The following RNF17 variants were observed in gnomAD, a reference collection of about 807,000 sequenced individuals.
RNF17 encodes the protein spermatogenesis associated 23.
A neutral mutation model predicts 200.5 loss-of-function variants in RNF17; 31 were observed. That is an observed-to-expected ratio of 0.15 (90% confidence interval 0.12 to 0.21). RNF17 has a LOEUF of 0.21. RNF17 is among the 10% of genes least tolerant of loss of function. The pLI is 1.00. For synonymous variants in RNF17, 606 were observed against 637.8 expected, an observed-to-expected ratio of 0.95 and a Z score of 0.75; for missense variants, 1,628 against 1,905.1, an observed-to-expected ratio of 0.85 and a Z score of 2.71.
chr13:24,868,277 C>T (rs1470790047), intron 30 of RNF17, among the ~76,000 whole-genome samples: 2 of 150,668 alleles, frequency 1.3e-5, no homozygotes, highest in African/African-American at 4.9e-5. Context: ...GAGACCATCC[C>T]GGCTAAAACG....
Position 24,813,264 on chromosome 13 carries a change from A to T in RNF17, c.2091+8835A>T, listed in dbSNP as rs139527245. ...AGCCTCAATCTCCTAGGCTCAAGGG[A>T]TCCTCTAGCCTCAGCCTCCCATATT... is the stretch of plus-strand genomic sequence containing the variant. On this transcript the variant is annotated intron_variant, in intron 15 of 35. Coordinates refer to ENST00000255324, the MANE Select transcript of RNF17 (RefSeq NM_031277.3). 4.4e-3 allele frequency among the ~76,000 whole-genome samples: 662 copies of T among 152,158 alleles called. 2 individuals carry two copies. The highest frequency in any genetic ancestry group is 6.8e-3 in the Middle Eastern group (2 of 294).
At chr13:24,862,249 A>G (rs921385169) in intron 27 of RNF17, among the ~76,000 whole-genome samples, 1 of 152,214 alleles carries the variant, frequency 6.6e-6, no homozygotes, top group Admixed American at 6.5e-5. Context: ...TGAAGGATCA[A>G]CTGGGGACAG....
chr13:24,862,810 A>G lies in RNF17; in HGVS notation c.3975+17A>G, dbSNP rs375393751. 100 of 1,369,318 alleles carry G rather than the reference A, an allele frequency of 7.3e-5. No homozygotes were observed. The highest frequency in any genetic ancestry group is 9.6e-5 in the Non-Finnish European group (93 of 965,892). The allele number at this position is 1,369,318 out of a possible 1,614,324, so 84.8% of individuals were successfully genotyped here. A position where few individuals can be genotyped will look rare whatever the true frequency, so the allele number is the denominator to read the frequency against. ...CACATTATGGTAATTTAAAGTATAT[A>G]TAGTTGTTATAAATTACTTGCCATA... On this transcript the variant is annotated intron_variant, in intron 28 of 35. Coordinates refer to ENST00000255324, the MANE Select transcript of RNF17 (RefSeq NM_031277.3).
At chr13:24,765,670 A>G (rs1879578296) in intron 1 of RNF17, among the ~76,000 whole-genome samples, 1 of 152,244 alleles carries the variant, frequency 6.6e-6, no homozygotes, top group Non-Finnish European at 1.5e-5. Flanking sequence ...CTTCTTCCAT[A>G]CATTAGTATT....
At chr13:24,786,363 C>A (rs1416735933) in intron 6 of RNF17, among the ~76,000 whole-genome samples, 1 of 152,060 alleles carries the variant, frequency 6.6e-6, no homozygotes, top group Admixed American at 6.5e-5. Context: ...ATATTGTATA[C>A]CTGTTAAGAT....
intron 10 of RNF17, among the ~76,000 whole-genome samples, chr13:24,793,547 A>G (rs1353650561): frequency 6.6e-6 from 1 of 152,208 alleles, no homozygotes; most frequent in African/African-American, 2.4e-5. Context: ...TAATGCAGTA[A>G]TATAGCTAAC....
Position 24,778,273 on chromosome 13 carries a change from T to C in RNF17, c.318-22T>C, listed in dbSNP as rs370572502. The C allele has an allele frequency of 2.7e-6, 4 of 1,474,778 alleles. No homozygotes were observed. In the African/African-American group the frequency reaches 4.2e-5, roughly 15 times the overall value. The allele number at this position is 1,474,778 out of a possible 1,614,324, so 91.4% of individuals were successfully genotyped here. A position where few individuals can be genotyped will look rare whatever the true frequency, so the allele number is the denominator to read the frequency against. On this transcript the variant is annotated intron_variant, in intron 3 of 35. Coordinates refer to ENST00000255324, the MANE Select transcript of RNF17 (RefSeq NM_031277.3). ...AAAGATCCTGTCACAAAAAATAAAA[T>C]AATATACTTGATACTTTTCAGGATA...
At chr13:24,803,246 ATAT>A (rs1191444379) in intron 14 of RNF17, among the ~76,000 whole-genome samples, 1 of 152,176 alleles carries the variant, frequency 6.6e-6, no homozygotes, top group Non-Finnish European at 1.5e-5. Context: ...TCACTACCCT[ATAT>A]TCAATGTATG....
Position 24,767,188 on chromosome 13 carries a change from C to T in RNF17, c.131-84C>T, listed in dbSNP as rs532637351. 16 of 912,822 alleles carry T rather than the reference C, an allele frequency of 1.8e-5. No individual in the cohort carries two copies. The South Asian group carries it at 2.5e-4, about 14-fold the overall frequency. 56.5% of individuals were successfully genotyped at this position (912,822 alleles called of 1,614,324 possible). A position where few individuals can be genotyped will look rare whatever the true frequency, so the allele number is the denominator to read the frequency against. ...AGGCTGCAGTGAGCTGGTGCCACTA[C>T]ACTCCAGCTTGGGCAACAGAGCAAG... On this transcript the variant is annotated intron_variant, in intron 1 of 35. Transcript: ENST00000255324.
intron 2 of RNF17, among the ~76,000 whole-genome samples, chr13:24,769,291 A>G (rs1880312283): frequency 6.6e-6 from 1 of 152,052 alleles, no homozygotes; most frequent in Non-Finnish European, 1.5e-5. Flanking sequence ...AGTGTTTATA[A>G]TGTGTTTACA....
intron 15 of RNF17, among the ~76,000 whole-genome samples, chr13:24,810,931 G>A (rs939695711): frequency 6.0e-5 from 9 of 149,654 alleles, no homozygotes; most frequent in African/African-American, 2.2e-4. Context: ...GAAATTCTGG[G>A]TTGAAAATTC....
At chr13:24,763,963 C>G (rs1337431763), upstream of RNF17, among the ~76,000 whole-genome samples, 1 of 152,196 alleles carries the variant, frequency 6.6e-6, no homozygotes, top group Non-Finnish European at 1.5e-5. Flanking sequence ...AGTGGTGACT[C>G]TTTGGGTAGA....
At chr13:24,876,897 A>G (rs1894919328) in intron 33 of RNF17, 100 bp from the exon 34 acceptor site, 1 of 981,680 alleles carries the variant, frequency 1.0e-6, no homozygotes, top group African/African-American at 1.7e-5. Context: ...AAATCACTGC[A>G]AAATCCAATG....
At chr13:24,768,206 T>C (rs995078445) in intron 2 of RNF17, among the ~76,000 whole-genome samples, 2 of 152,014 alleles carry the variant, frequency 1.3e-5, no homozygotes, top group Non-Finnish European at 2.9e-5. Context: ...TTACTTGATA[T>C]CCTATTCATT....
In RNF17 at chr13:24,764,393, G is replaced by C. The variant is rs548833154; in HGVS notation, c.130+60G>C. On this transcript the variant is annotated intron_variant, in intron 1 of 35. Coordinates refer to ENST00000255324, the MANE Select transcript of RNF17 (RefSeq NM_031277.3). ...AGCCTGGAGGGAGCGCTGGGGGCCA[G>C]GTGAGCTGGTGGGCGCGTGAGGCTT... The C allele has an allele frequency of 3.8e-5, 57 of 1,503,540 alleles. 1 individual carries two copies. In the African/African-American group the frequency reaches 7.3e-4, roughly 19 times the overall value. The allele number at this position is 1,503,540 out of a possible 1,614,324, so 93.1% of individuals were successfully genotyped here. A position where few individuals can be genotyped will look rare whatever the true frequency, so the allele number is the denominator to read the frequency against.
downstream of RNF17, among the ~76,000 whole-genome samples, chr13:24,881,640 CTAGA>C (rs936078542): frequency 3.2e-4 from 48 of 150,078 alleles, no homozygotes; most frequent in African/African-American, 6.1e-4. Context: ...AGAGATATAT[CTAGA>C]TAGATATATC....
chr13:24,856,419 C>CAA (rs60553495), intron 25 of RNF17, among the ~76,000 whole-genome samples: 3,954 of 101,370 alleles, frequency 0.039, 120 homozygotes, highest in African/African-American at 0.09. Flanking sequence ...GAATCCGTCT[C>CAA]AAAAAAAAAA....
chr13:24,808,406 A>G (rs532836333), intron 15 of RNF17, among the ~76,000 whole-genome samples: 33 of 146,060 alleles, frequency 2.3e-4, no homozygotes, highest in African/African-American at 7.9e-4. Context: ...CTTTGAAGCA[A>G]TTGTGAATGG....
chr13:24,750,785 C>T, the RNF17 span: 1 of 151,996 alleles, frequency 6.6e-6, no homozygotes, highest in East Asian at 1.9e-4. Context: ...CCTTCTTTTT[C>T]ACTCTCGAAA....
Sources: gnomAD v4.1 joint callset for allele counts (sites outside exome capture counted in the v4.1 genomes callset) on GRCh38, gnomAD v4.1.1 for gene constraint, MANE v1.5 for transcripts, NCBI Gene and HGNC (gene_info 2026-07-23, HGNC 2026-07-21) for gene names.